The following PRKG1 variants were observed in gnomAD, a reference collection of about 807,000 sequenced individuals.
PRKG1 encodes the protein protein kinase cGMP-dependent 1, also known as cGMP-dependent protein kinase 1.
Under a neutral mutation model 88.1 loss-of-function variants are expected in PRKG1, and 35 were observed. The ratio of observed to expected loss-of-function variants is 0.40; its 90% CI spans 0.30 to 0.53. PRKG1 has a LOEUF of 0.53. Among genes scored for constraint, PRKG1 ranks in the 20% least tolerant of loss-of-function variants. The pLI is 0.59. For missense variants in PRKG1, 540 were observed against 839.8 expected, an observed-to-expected ratio of 0.64 and a Z score of 4.41; for synonymous variants, 303 against 292.5, an observed-to-expected ratio of 1.04 and a Z score of -0.37.
intron 5 of PRKG1, among the ~76,000 whole-genome samples, chr10:51,953,319 G>A (rs1041163520): frequency 2.0e-5 from 3 of 152,216 alleles, no homozygotes; most frequent in African/African-American, 7.2e-5. Context: ...AAATGTCAAT[G>A]TAGAGGTAGA....
chr10:51,169,989 C>G (rs940765200), intron 2 of PRKG1, among the ~76,000 whole-genome samples: 5 of 151,846 alleles, frequency 3.3e-5, no homozygotes, highest in Non-Finnish European at 5.9e-5. Context: ...CATACATGCT[C>G]TGAAGCACTA....
intron 2 of PRKG1, among the ~76,000 whole-genome samples, chr10:51,313,981 A>T (rs977294931): frequency 3.3e-5 from 5 of 152,144 alleles, no homozygotes; most frequent in Admixed American, 6.5e-5. Context: ...AGAGCTGCCT[A>T]CTGTATTCAG....
chr10:51,743,706 AACT>A, intron 3 of PRKG1, among the ~76,000 whole-genome samples: 1 of 115,600 alleles, frequency 8.7e-6, no homozygotes, highest in South Asian at 2.5e-4. Flanking sequence ...ATATAATATA[AACT>A]AAATATATAT....
At chr10:51,110,921 T>C (rs1349825943) in intron 1 of PRKG1, among the ~76,000 whole-genome samples, 2 of 152,144 alleles carry the variant, frequency 1.3e-5, no homozygotes, top group Non-Finnish European at 2.9e-5. Flanking sequence ...GTGAAATTAA[T>C]TTATCTCCAT....
chr10:52,259,747 G>A (rs1031170030), intron 10 of PRKG1, among the ~76,000 whole-genome samples: 3 of 152,018 alleles, frequency 2.0e-5, no homozygotes, highest in Non-Finnish European at 4.4e-5. Flanking sequence ...AAACAAAGGA[G>A]AGCCACTGTC....
chr10:52,026,582 G>A (rs930386360), intron 5 of PRKG1, among the ~76,000 whole-genome samples: 2 of 152,182 alleles, frequency 1.3e-5, no homozygotes, highest in South Asian at 2.1e-4. Flanking sequence ...ATTACTAATT[G>A]GTATGGAGTT....
intron 1 of PRKG1, among the ~76,000 whole-genome samples, chr10:51,057,047 C>T (rs917392430): frequency 6.6e-6 from 1 of 152,180 alleles, no homozygotes; most frequent in African/African-American, 2.4e-5. Flanking sequence ...CTGAGTTATA[C>T]ACATTTAGTA....
At chr10:51,000,615 A>G (rs1842879393) in intron 1 of PRKG1, among the ~76,000 whole-genome samples, 1 of 152,232 alleles carries the variant, frequency 6.6e-6, no homozygotes, top group African/African-American at 2.4e-5. Flanking sequence ...TATGTGGTAG[A>G]GAAGTGAATT....
chr10:52,213,348 T>C (rs1425095306), intron 9 of PRKG1, among the ~76,000 whole-genome samples: 3 of 152,166 alleles, frequency 2.0e-5, no homozygotes, highest in African/African-American at 7.2e-5. Flanking sequence ...TATGGGTTTA[T>C]TTAAGACTCG....
chr10:51,379,886 T>C (rs1024668569), intron 2 of PRKG1, among the ~76,000 whole-genome samples: 5 of 152,194 alleles, frequency 3.3e-5, no homozygotes, highest in Non-Finnish European at 7.3e-5. Flanking sequence ...GCACAATCTA[T>C]AGCTATGAGG....
In PRKG1 at chr10:51,308,348, T is replaced by C. The variant is rs942295123; in HGVS notation, c.478+155018T>C. ...GTCTCTGGTGATCATGCACAAGCCA[T>C]TTAACTTCTTTATATTTCAGTTTCC... On this transcript the variant is annotated intron_variant, in intron 2 of 17. Coordinates refer to ENST00000373980, the MANE Select transcript of PRKG1 (RefSeq NM_006258.4). Among the ~76,000 whole-genome samples, 4 of 152,258 alleles carry C rather than the reference T, an allele frequency of 2.6e-5. No individual in the cohort carries two copies. In the South Asian group the frequency reaches 8.3e-4, roughly 32 times the overall value.
At chr10:51,512,300 C>T (rs1158047863) in intron 3 of PRKG1, among the ~76,000 whole-genome samples, 1 of 146,212 alleles carries the variant, frequency 6.8e-6, no homozygotes, top group Non-Finnish European at 1.5e-5. Flanking sequence ...CCCATTAACT[C>T]GTCATTTAGC....
intron 3 of PRKG1, among the ~76,000 whole-genome samples, chr10:51,608,625 G>T (rs1422773116): frequency 2.0e-5 from 3 of 152,202 alleles, no homozygotes; most frequent in Non-Finnish European, 4.4e-5. Context: ...CAGTAGGGAT[G>T]CAGATGGTCA....
chr10:51,390,425 A>G (rs1292004616), intron 2 of PRKG1, among the ~76,000 whole-genome samples: 2 of 152,228 alleles, frequency 1.3e-5, no homozygotes, highest in Non-Finnish European at 2.9e-5. Flanking sequence ...ATGTTTACAT[A>G]CAATTCAACT....
chr10:51,454,238 AAAAC>A (rs1839517893), intron 2 of PRKG1, among the ~76,000 whole-genome samples: 1 of 152,086 alleles, frequency 6.6e-6, no homozygotes, highest in Admixed American at 6.6e-5. Context: ...AAGCTAGAAA[AAAAC>A]AACCCTAAAA....
intron 3 of PRKG1, among the ~76,000 whole-genome samples, chr10:51,703,109 G>A (rs980772451): frequency 6.6e-6 from 1 of 152,074 alleles, no homozygotes; most frequent in Non-Finnish European, 1.5e-5. Context: ...CAAAGAACAG[G>A]ATTATGCAAC....
chr10:51,739,211 C>A (rs376083952), intron 3 of PRKG1, among the ~76,000 whole-genome samples: 2 of 152,008 alleles, frequency 1.3e-5, no homozygotes, highest in Non-Finnish European at 2.9e-5. Flanking sequence ...TCCCTAATTG[C>A]TCTGTGTGTG....
At position 51,501,905 on chromosome 10, in the gene PRKG1, G is replaced by A. The variant is rs150333886; in HGVS notation, c.592+34069G>A. On this transcript the variant is annotated intron_variant, in intron 3 of 17. Coordinates refer to ENST00000373980, the MANE Select transcript of PRKG1 (RefSeq NM_006258.4). ...TTACTGTACAGCAAAACTGCTGATC[G>A]TGATAAGAAGGTATCTGTGGGTAGG... Among the ~76,000 whole-genome samples, 480 of 149,412 alleles carry A rather than the reference G, an allele frequency of 3.2e-3. 4 individuals are homozygous for A. The highest frequency in any genetic ancestry group is 0.011 in the African/African-American group (451 of 40,438).
At chr10:51,461,595 G>A (rs1465951725) in intron 2 of PRKG1, among the ~76,000 whole-genome samples, 4 of 152,024 alleles carry the variant, frequency 2.6e-5, no homozygotes, top group African/African-American at 9.7e-5. Flanking sequence ...ATCATCTAGG[G>A]GGCAAGAGTT....
Sources: allele counts gnomAD v4.1 joint callset (sites outside exome capture counted in the v4.1 genomes callset), GRCh38; gene constraint gnomAD v4.1.1; transcripts MANE v1.5; gene names NCBI Gene and HGNC (gene_info 2026-07-23, HGNC 2026-07-21).